The following GABBR2 variants were observed in gnomAD, a reference collection of about 807,000 sequenced individuals.
GABBR2 encodes G-protein coupled receptor 51.
GABBR2 carries 23 observed loss-of-function variants against 105.6 expected under a neutral mutation model. The ratio of observed to expected loss-of-function variants is 0.22; its 90% CI spans 0.16 to 0.31. The LOEUF (loss-of-function observed/expected upper bound fraction) is 0.31, where lower values mean the gene tolerates loss of function less well. Among genes scored for constraint, GABBR2 ranks in the 10% least tolerant of loss-of-function variants. GABBR2 has a pLI of 1.00. For missense variants in GABBR2, 734 were observed against 1,245.5 expected (o/e 0.59, Z 6.18); for synonymous variants, 478 against 499.7 (o/e 0.96, Z 0.58).
intron 3 of GABBR2, among the ~76,000 whole-genome samples, chr9:98,536,501 T>G (rs1196985781): frequency 6.6e-6 from 1 of 152,106 alleles, no homozygotes; most frequent in Non-Finnish European, 1.5e-5. Context: ...TGCCTCCCTC[T>G]GCTGTCTTTC....
In GABBR2 at chr9:98,299,061, G is replaced by A. The variant is rs562772036; in HGVS notation, c.2542+163C>T. Among the ~76,000 whole-genome samples, 8 of 152,338 alleles carry A rather than the reference G, an allele frequency of 5.3e-5. No homozygotes were observed. The East Asian group carries it at 1.5e-3, about 29-fold the overall frequency. ...GGCTCAAAGCGGACACTGAACTGTG[G>A]TCAGCAGACAGAGGTTCCAGATGCT... On this transcript the variant is annotated intron_variant, in intron 17 of 18. Transcript: ENST00000259455.
At chr9:98,427,870 C>G (rs566480844) in intron 7 of GABBR2, among the ~76,000 whole-genome samples, 44 of 152,166 alleles carry the variant, frequency 2.9e-4, no homozygotes, top group Non-Finnish European at 6.0e-4. Flanking sequence ...CATCCACTTG[C>G]CAGCCATTTG....
chr9:98,377,926 G>T (rs1203232465), intron 11 of GABBR2, among the ~76,000 whole-genome samples: 1 of 152,170 alleles, frequency 6.6e-6, no homozygotes, highest in Non-Finnish European at 1.5e-5. Context: ...CAAACCCTGT[G>T]GGTATCTCCT....
intron 1 of GABBR2, among the ~76,000 whole-genome samples, chr9:98,648,110 T>TAGATAGATAGATAGATA: frequency 9.2e-6 from 1 of 108,974 alleles, no homozygotes; most frequent in Non-Finnish European, 1.9e-5. Flanking sequence ...TGTGTGTGTG[T>TAGATAGATAGATAGATA]GTGTGTATAG....
intron 3 of GABBR2, among the ~76,000 whole-genome samples, chr9:98,510,761 A>T (rs1320255079): frequency 6.6e-6 from 1 of 152,070 alleles, no homozygotes; most frequent in Non-Finnish European, 1.5e-5. Flanking sequence ...GAGCACCCAG[A>T]TTCATAAAGC....
intron 1 of GABBR2, among the ~76,000 whole-genome samples, chr9:98,581,494 GAAGA>G (rs1316411004): frequency 7.7e-6 from 1 of 129,626 alleles, no homozygotes; most frequent in African/African-American, 2.8e-5. Flanking sequence ...GGAAAGGAAG[GAAGA>G]GAGGGAGGGA....
chr9:98,585,634 A>G (rs1158704615), intron 1 of GABBR2, among the ~76,000 whole-genome samples: 2 of 152,028 alleles, frequency 1.3e-5, no homozygotes, highest in African/African-American at 4.8e-5. Flanking sequence ...TAAAACTTAA[A>G]GTATAATAAT....
At chr9:98,414,572 T>TA (rs1415788495) in intron 7 of GABBR2, among the ~76,000 whole-genome samples, 39 of 152,264 alleles carry the variant, frequency 2.6e-4, no homozygotes, top group Admixed American at 2.5e-3. Flanking sequence ...CCTATAGACT[T>TA]AAGTATTATA....
At chr9:98,606,900 C>G (rs1207066712) in intron 1 of GABBR2, 1 of 617,378 alleles carries the variant, frequency 1.6e-6, no homozygotes, top group Non-Finnish European at 2.9e-6. Flanking sequence ...GATTGATCCA[C>G]ATGAATTCCT....
At chr9:98,606,995 G>C in intron 1 of GABBR2, 1 of 877,758 alleles carries the variant, frequency 1.1e-6, no homozygotes, top group South Asian at 1.3e-5. Context: ...CATGTCGCTC[G>C]GTAGCTCAAC....
chr9:98,649,642 A>G (rs1193164858), intron 1 of GABBR2, among the ~76,000 whole-genome samples: 1 of 151,984 alleles, frequency 6.6e-6, no homozygotes, highest in Non-Finnish European at 1.5e-5. Context: ...TAGAAATAAG[A>G]CTCTCCATTT....
intron 6 of GABBR2, among the ~76,000 whole-genome samples, chr9:98,464,225 G>A (rs1437709140): frequency 1.3e-5 from 2 of 151,808 alleles, no homozygotes; most frequent in African/African-American, 4.8e-5. Flanking sequence ...TCTGGGATGT[G>A]AGGAGCGCCT....
intron 1 of GABBR2, among the ~76,000 whole-genome samples, chr9:98,582,081 C>A (rs945475325): frequency 1.3e-4 from 20 of 152,248 alleles, no homozygotes; most frequent in Middle Eastern, 3.4e-3. Flanking sequence ...GCCCCATTGA[C>A]CTTCACCCCT....
intron 1 of GABBR2, among the ~76,000 whole-genome samples, chr9:98,658,011 G>A (rs563929958): frequency 1.2e-4 from 18 of 152,350 alleles, no homozygotes; most frequent in African/African-American, 4.1e-4. Flanking sequence ...GTGTGAGAAT[G>A]GACTAATACA....
chr9:98,566,648 C>G (rs908399648), intron 2 of GABBR2, among the ~76,000 whole-genome samples: 1 of 151,796 alleles, frequency 6.6e-6, no homozygotes, highest in Non-Finnish European at 1.5e-5. Context: ...GCACTCCAGC[C>G]TGGGTGACAG....
rs1453292987 is a variant in GABBR2, at chr9:98,447,844, T to G, written c.1236+6137A>C. 6.8e-5 allele frequency among the ~76,000 whole-genome samples: 10 copies of G among 147,386 alleles called. No individual in the cohort carries two copies. The South Asian group carries it at 8.7e-4, about 13-fold the overall frequency. On this transcript the variant is annotated intron_variant, in intron 7 of 18. Transcript: ENST00000259455. ...GTGGGGTGGTGACTTGTCTAGGGGG[T>G]GGGGGGAGCATTTTTTGAGTCTTAG...
chr9:98,684,202 G>GT (rs1431974236), intron 1 of GABBR2, among the ~76,000 whole-genome samples: 2 of 44,168 alleles, frequency 4.5e-5, no homozygotes. Flanking sequence ...AAAATTGGTT[G>GT]TGGGGGGTGG....
chr9:98,452,956 T>A (rs1234050750), intron 7 of GABBR2, among the ~76,000 whole-genome samples: 1 of 152,228 alleles, frequency 6.6e-6, no homozygotes, highest in Non-Finnish European at 1.5e-5. Flanking sequence ...GGTCCAGAGC[T>A]TCTCCTGGCC....
At chr9:98,380,487 G>A (rs111376765) in intron 11 of GABBR2, among the ~76,000 whole-genome samples, 2,749 of 152,336 alleles carry the variant, frequency 0.018, 42 homozygotes, top group African/African-American at 0.033. Flanking sequence ...TCCCAGAGCC[G>A]GGTCAGCTCA....
Sources: gnomAD v4.1 joint callset for allele counts (sites outside exome capture counted in the v4.1 genomes callset) on GRCh38, gnomAD v4.1.1 for gene constraint, MANE v1.5 for transcripts, NCBI Gene and HGNC (gene_info 2026-07-23, HGNC 2026-07-21) for gene names.